Variants in CSMD1 observed in about 807,000 individuals in gnomAD.
The protein encoded by CSMD1 is CUB and sushi domain-containing protein 1.
A neutral mutation model predicts 417.5 loss-of-function variants in CSMD1; 213 were observed. That is an observed-to-expected ratio of 0.51 (90% confidence interval 0.46 to 0.57). The LOEUF (loss-of-function observed/expected upper bound fraction) is 0.57. Among genes scored for constraint, CSMD1 ranks in the 20% least tolerant of loss-of-function variants. CSMD1 has a pLI of 0.00. For missense variants in CSMD1, 6,923 were observed against 4,529.7 expected, an observed-to-expected ratio of 1.53 and a Z score of -15.17; for synonymous variants, 2,862 against 1,736.8, an observed-to-expected ratio of 1.65 and a Z score of -16.11.
chr8:3,662,120 G>A (rs1798451868), intron 7 of CSMD1, among the ~76,000 whole-genome samples: 1 of 152,114 alleles, frequency 6.6e-6, no homozygotes, highest in Admixed American at 6.5e-5. Flanking sequence ...TGGAACACCA[G>A]GATGTTTTAT....
chr8:4,917,533 C>T (rs1177790903), intron 1 of CSMD1, among the ~76,000 whole-genome samples: 1 of 152,172 alleles, frequency 6.6e-6, no homozygotes, highest in East Asian at 1.9e-4. Context: ...ACTCGGGAAG[C>T]TGAAGCAGGA....
At chr8:4,256,861 A>C (rs189433653) in intron 3 of CSMD1, among the ~76,000 whole-genome samples, 1 of 152,320 alleles carries the variant, frequency 6.6e-6, no homozygotes, top group Admixed American at 6.5e-5. Context: ...TCACCATCGC[A>C]TAAAGGGGGA....
rs575858360 is a variant in CSMD1, at chr8:4,215,425, T to C, written c.416-183326A>G. ...AAAGATACCATGTCTGAATCATTAG[T>C]AACACAAAAGACTCAATGCTTCCTG... On this transcript the variant is annotated intron_variant, in intron 3 of 69. Transcript: ENST00000635120. 2.6e-5 allele frequency among the ~76,000 whole-genome samples: 4 copies of C among 152,214 alleles called. No homozygotes were observed. The South Asian group carries it at 6.2e-4, about 24-fold the overall frequency.
In CSMD1 at chr8:3,211,556, A is replaced by T. The variant is rs191341990; in HGVS notation, c.4867+2941T>A. On this transcript the variant is annotated intron_variant, in intron 30 of 69. Coordinates refer to ENST00000635120, the MANE Select transcript of CSMD1 (RefSeq NM_033225.6). ...GAAACCAGTTACATACAGAATTAAG[A>T]TTTACTAGTTTTGGGGAGCCTTATG... is the stretch of plus-strand genomic sequence containing the variant. Among the ~76,000 whole-genome samples the T allele has an allele frequency of 1.9e-4, 29 of 152,222 alleles. No individual in the cohort carries two copies. The East Asian group carries it at 5.2e-3, about 27-fold the overall frequency.
chr8:3,718,259 T>C (rs1472658490), intron 6 of CSMD1, among the ~76,000 whole-genome samples: 1 of 151,880 alleles, frequency 6.6e-6, no homozygotes, highest in African/African-American at 2.4e-5. Context: ...TGACTGCAGC[T>C]CCCATTGTCA....
intron 3 of CSMD1, among the ~76,000 whole-genome samples, chr8:4,270,342 C>T (rs1245822505): frequency 6.6e-6 from 1 of 151,700 alleles, no homozygotes; most frequent in Non-Finnish European, 1.5e-5. Context: ...CCACGATTCA[C>T]ACTCTGTTTC....
At chr8:3,798,644 A>G (rs544756698) in intron 5 of CSMD1, among the ~76,000 whole-genome samples, 1 of 152,156 alleles carries the variant, frequency 6.6e-6, no homozygotes, top group Non-Finnish European at 1.5e-5. Flanking sequence ...TATATAAAAA[A>G]TACATACATT....
intron 3 of CSMD1, among the ~76,000 whole-genome samples, chr8:4,366,987 C>T (rs1243220449): frequency 6.6e-6 from 1 of 152,142 alleles, no homozygotes; most frequent in Non-Finnish European, 1.5e-5. Context: ...TTCTCCCATT[C>T]TGGAGGTTGT....
At chr8:4,790,927 G>C (rs1797651052) in intron 1 of CSMD1, among the ~76,000 whole-genome samples, 1 of 152,198 alleles carries the variant, frequency 6.6e-6, no homozygotes, top group Non-Finnish European at 1.5e-5. Flanking sequence ...CCCTGGCAAA[G>C]ACTTAACGGC....
intron 3 of CSMD1, among the ~76,000 whole-genome samples, chr8:4,050,213 G>C (rs1472848292): frequency 8.6e-5 from 13 of 151,996 alleles, no homozygotes; most frequent in Admixed American, 8.5e-4. Context: ...GGCTAGGGTC[G>C]TGTTTGTCAG....
chr8:4,176,481 C>A (rs1584962045), intron 3 of CSMD1, among the ~76,000 whole-genome samples: 1 of 152,080 alleles, frequency 6.6e-6, no homozygotes, highest in South Asian at 2.1e-4. Flanking sequence ...CACCTTCTAA[C>A]CTCCTCACTC....
chr8:4,670,393 G>A (rs1585424188), intron 1 of CSMD1, among the ~76,000 whole-genome samples: 1 of 152,234 alleles, frequency 6.6e-6, no homozygotes, highest in African/African-American at 2.4e-5. Flanking sequence ...CCTAATAAGT[G>A]AAGTCATGGG....
rs781452071 is a variant in CSMD1 at position 3,566,110 on chromosome 8, A to C, written c.1344+8835T>G. 9.2e-5 allele frequency among the ~76,000 whole-genome samples: 14 copies of C among 152,068 alleles called. 1 individual carries two copies. Among genetic ancestry groups the C allele is most frequent in the Non-Finnish European group, 1.9e-4 (13 of 68,018 alleles). On this transcript the variant is annotated intron_variant, in intron 10 of 69. Transcript: ENST00000635120. ...AATAAACAGAAAGGGAAGGAGGCGGAGAAGAAGGAGAGGGAAAAGATGGAG... is the reference window on the plus strand; with the variant it reads ...AATAAACAGAAAGGGAAGGAGGCGGCGAAGAAGGAGAGGGAAAAGATGGAG...
At chr8:3,319,722 A>C (rs958893769) in intron 23 of CSMD1, among the ~76,000 whole-genome samples, 1 of 152,166 alleles carries the variant, frequency 6.6e-6, no homozygotes, top group African/African-American at 2.4e-5. Flanking sequence ...ATTGATAAAA[A>C]TGGTAAGAAA....
chr8:3,220,955 G>A (rs112741553), intron 28 of CSMD1, among the ~76,000 whole-genome samples: 130 of 152,228 alleles, frequency 8.5e-4, no homozygotes, highest in African/African-American at 3.1e-3. Flanking sequence ...AATTTACAAA[G>A]CTCCTACTCC....
At chr8:3,854,207 G>C (rs1459220174) in intron 5 of CSMD1, among the ~76,000 whole-genome samples, 2 of 148,152 alleles carry the variant, frequency 1.3e-5, no homozygotes, top group Admixed American at 6.8e-5. Flanking sequence ...TCATGCTTTG[G>C]GAACACTTAA....
At position 3,767,113 on chromosome 8, in the gene CSMD1, C is replaced by T. The variant is rs138760868; in HGVS notation, c.819-13071G>A. Among the ~76,000 whole-genome samples, 449 of 152,296 alleles carry T rather than the reference C, an allele frequency of 2.9e-3. 1 individual carries two copies. The highest frequency in any genetic ancestry group is 0.01 in the African/African-American group (430 of 41,568). On this transcript the variant is annotated intron_variant, in intron 5 of 69. Transcript: ENST00000635120. ...TTAAACCTCACTCAAGTACAGTAGCCGTGGGGTTCCGCTGAGGCTGCTGTG... is the reference window on the plus strand; with the variant it reads ...TTAAACCTCACTCAAGTACAGTAGCTGTGGGGTTCCGCTGAGGCTGCTGTG...
intron 3 of CSMD1, among the ~76,000 whole-genome samples, chr8:4,133,955 C>A (rs1327602197): frequency 6.6e-6 from 1 of 152,082 alleles, no homozygotes; most frequent in Non-Finnish European, 1.5e-5. Context: ...TCAGGTCATG[C>A]AAACAAACAT....
At chr8:2,972,354 A>G (rs1804533710) in intron 57 of CSMD1, among the ~76,000 whole-genome samples, 3 of 152,326 alleles carry the variant, frequency 2.0e-5, no homozygotes, top group Admixed American at 2.0e-4. Context: ...AACAATACAT[A>G]TTGAATTAAT....
Sources: gnomAD v4.1 joint callset for allele counts (sites outside exome capture counted in the v4.1 genomes callset) on GRCh38, gnomAD v4.1.1 for gene constraint, MANE v1.5 for transcripts, NCBI Gene and HGNC (gene_info 2026-07-23, HGNC 2026-07-21) for gene names.